FMNL2: variants seen among roughly 807,000 people sequenced by gnomAD.
The protein encoded by FMNL2 is formin-like protein 2.
Under a neutral mutation model 130.2 loss-of-function variants are expected in FMNL2, and 51 were observed. That is an observed-to-expected ratio of 0.39 (90% CI 0.31 to 0.49). The LOEUF is 0.49. Among genes scored for constraint, FMNL2 ranks in the 20% least tolerant of loss-of-function variants. The pLI is 0.85. For synonymous variants in FMNL2, 465 were observed against 467.1 expected (o/e 1.00, Z 0.06); for missense variants, 977 against 1,316.2 (o/e 0.74, Z 3.99).
At chr2:152,471,250 A>G (rs1262238767) in intron 1 of FMNL2, among the ~76,000 whole-genome samples, 2 of 152,074 alleles carry the variant, frequency 1.3e-5, no homozygotes, top group Non-Finnish European at 2.9e-5. Flanking sequence ...TTGAACAGCC[A>G]AGGAATATTA....
At chr2:152,567,844 C>G (rs1695940752) in intron 6 of FMNL2, among the ~76,000 whole-genome samples, 1 of 152,184 alleles carries the variant, frequency 6.6e-6, no homozygotes. Context: ...GTGTGACAGA[C>G]TGCATTTTCC....
intron 1 of FMNL2, among the ~76,000 whole-genome samples, chr2:152,517,853 C>T (rs1232776295): frequency 6.6e-6 from 1 of 151,992 alleles, no homozygotes; most frequent in African/African-American, 2.4e-5. Flanking sequence ...TGGTTAAAGC[C>T]CAGGAAATAT....
At chr2:152,641,126 C>T (rs1683049698) in intron 25 of FMNL2, among the ~76,000 whole-genome samples, 1 of 152,206 alleles carries the variant, frequency 6.6e-6, no homozygotes, top group Non-Finnish European at 1.5e-5. Context: ...CTGTAAGTTT[C>T]AGCAGAGCTC....
At chr2:152,642,236 A>G (rs372845092) in intron 25 of FMNL2, among the ~76,000 whole-genome samples, 5 of 152,202 alleles carry the variant, frequency 3.3e-5, no homozygotes, top group East Asian at 1.9e-4. Flanking sequence ...CACCATGCCC[A>G]GCCTGTCTCA....
At chr2:152,436,067 T>C (rs939214452) in intron 1 of FMNL2, among the ~76,000 whole-genome samples, 13 of 152,086 alleles carry the variant, frequency 8.5e-5, no homozygotes, top group African/African-American at 2.9e-4. Context: ...TCCATTTCAT[T>C]CACTGAAGAT....
At chr2:152,426,866 C>T (rs1687227368) in intron 1 of FMNL2, among the ~76,000 whole-genome samples, 1 of 152,108 alleles carries the variant, frequency 6.6e-6, no homozygotes, top group Non-Finnish European at 1.5e-5. Flanking sequence ...CTCTAAGAAG[C>T]CTAACAGGTA....
Position 152,598,492 on chromosome 2 carries a change from C to A in FMNL2, c.877-8847C>A, listed in dbSNP as rs548005612. On this transcript the variant is annotated intron_variant, in intron 9 of 25. Coordinates refer to ENST00000288670, the MANE Select transcript of FMNL2 (RefSeq NM_052905.4). ...TCACTTGAGGCCAGGAGTTCAAGAC[C>A]AGCCTGGCCAACATGGCGAAACCCC... Among the ~76,000 whole-genome samples, 5 of 152,248 alleles carry A rather than the reference C, an allele frequency of 3.3e-5. No individual in the cohort carries two copies. The South Asian group carries it at 1.0e-3, about 32-fold the overall frequency.
At chr2:152,407,305 A>G (rs2105985582) in intron 1 of FMNL2, among the ~76,000 whole-genome samples, 1 of 151,968 alleles carries the variant, frequency 6.6e-6, no homozygotes, top group South Asian at 2.1e-4. Flanking sequence ...ATGGAATATG[A>G]GGAGTTACTA....
intron 1 of FMNL2, among the ~76,000 whole-genome samples, chr2:152,498,796 A>C (rs1021734674): frequency 6.6e-6 from 1 of 152,238 alleles, no homozygotes; most frequent in Non-Finnish European, 1.5e-5. Flanking sequence ...AAGGAAAATA[A>C]AACTGAAGAC....
intron 1 of FMNL2, among the ~76,000 whole-genome samples, chr2:152,410,516 CCAGGATTCTCAGACCTGGCTGAGCAA>C (rs1276939071): frequency 1.3e-5 from 2 of 152,160 alleles, no homozygotes; most frequent in African/African-American, 2.4e-5. Context: ...TGCCAAGGCC[CCAGGATTCTCAGACCTGGCTGAGCAA>C]CATGTAACTG....
intron 1 of FMNL2, among the ~76,000 whole-genome samples, chr2:152,406,123 CTATGT>C (rs1685965590): frequency 1.3e-5 from 2 of 148,674 alleles, no homozygotes; most frequent in Non-Finnish European, 3.0e-5. Flanking sequence ...TTATGATTCC[CTATGT>C]CTATAAGTGT....
At chr2:152,441,997 G>A (rs1336983936) in intron 1 of FMNL2, among the ~76,000 whole-genome samples, 3 of 152,056 alleles carry the variant, frequency 2.0e-5, no homozygotes, top group Non-Finnish European at 2.9e-5. Flanking sequence ...TTTAAAATAG[G>A]AAATGGTGGC....
At chr2:152,521,291 T>C (rs1693071813) in intron 1 of FMNL2, among the ~76,000 whole-genome samples, 1 of 152,132 alleles carries the variant, frequency 6.6e-6, no homozygotes, top group African/African-American at 2.4e-5. Flanking sequence ...AGAGGAGGGT[T>C]TATACGAGTG....
Position 152,628,291 on chromosome 2 carries a change from G to A in FMNL2, c.2166-8G>A. On this transcript the variant is annotated splice_region_variant and splice_polypyrimidine_tract_variant and intron_variant, in intron 17 of 25. Transcript: ENST00000288670. ...CTCTAATGCTAATCTCTCCACATCT[G>A]TCTTTAGATTTGACTTGAAGACACT... is the stretch of plus-strand genomic sequence containing the variant. 1 of 1,612,492 alleles carries A rather than the reference G, an allele frequency of 6.2e-7. No homozygotes were observed. The highest frequency in any genetic ancestry group is 1.1e-5 in the South Asian group (1 of 91,040).
chr2:152,604,253 C>G (rs1314437787), intron 9 of FMNL2, among the ~76,000 whole-genome samples: 1 of 150,942 alleles, frequency 6.6e-6, no homozygotes, highest in South Asian at 2.2e-4. Context: ...CATCGGGGAC[C>G]TGGTTCTAGC....
At chr2:152,407,642 G>C (rs554458565) in intron 1 of FMNL2, among the ~76,000 whole-genome samples, 2 of 152,290 alleles carry the variant, frequency 1.3e-5, no homozygotes, top group Non-Finnish European at 2.9e-5. Context: ...GCCCCATTGA[G>C]TCTGTTGGCT....
intron 1 of FMNL2, among the ~76,000 whole-genome samples, chr2:152,438,114 A>G (rs187915226): frequency 1.1e-4 from 17 of 152,358 alleles, no homozygotes; most frequent in Admixed American, 7.8e-4. Flanking sequence ...TTAGCATTTG[A>G]CATGTGAAGA....
chr2:152,400,208 G>A (rs1394676543), intron 1 of FMNL2, among the ~76,000 whole-genome samples: 2 of 152,134 alleles, frequency 1.3e-5, no homozygotes, highest in African/African-American at 2.4e-5. Context: ...CGAGGCGGGC[G>A]GATCACTTGA....
intron 1 of FMNL2, among the ~76,000 whole-genome samples, chr2:152,377,139 C>G (rs1379814540): frequency 6.6e-6 from 1 of 152,224 alleles, no homozygotes. Context: ...TTGTAAAGAA[C>G]CTGTCACAGT....
Sources: allele counts gnomAD v4.1 joint callset (sites outside exome capture counted in the v4.1 genomes callset), GRCh38; gene constraint gnomAD v4.1.1; transcripts MANE v1.5; gene names NCBI Gene and HGNC (gene_info 2026-07-23, HGNC 2026-07-21).